Variants in UNC13A observed in about 807,000 individuals in gnomAD.
The protein encoded by UNC13A is unc-13 homolog A.
In UNC13A, 61 loss-of-function variants were observed where a neutral mutation model predicts 219.7. The observed-to-expected ratio is 0.28, with a 90% CI of 0.23 to 0.34. The LOEUF (loss-of-function observed/expected upper bound fraction) is 0.34. UNC13A is among the 10% of genes least tolerant of loss of function. The pLI, the probability that UNC13A is intolerant of heterozygous loss-of-function variation, is 1.00. For synonymous variants in UNC13A, 920 were observed against 884.6 expected (o/e 1.04, Z -0.71); for missense variants, 1,476 against 2,270.3 (o/e 0.65, Z 7.11).
chr19:17,610,195 G>A, intron 42 of UNC13A, 96 bp from the exon 43 acceptor site: 1 of 1,538,268 alleles, frequency 6.5e-7, no homozygotes, highest in Non-Finnish European at 8.9e-7. Flanking sequence ...GCTGGGCGCA[G>A]TGGCTCACGC....
rs760550995 is a variant in UNC13A, at chr19:17,649,624, C to G, written c.1440-37G>C. 1 of 1,611,126 alleles carries G rather than the reference C, an allele frequency of 6.2e-7. No homozygotes were observed. Among genetic ancestry groups the G allele is most frequent in the South Asian group, 1.1e-5 (1 of 91,010 alleles). On this transcript the variant is annotated intron_variant, in intron 12 of 43. Transcript: ENST00000519716. The surrounding 1 kb of genome is among the most constrained non-coding windows in gnomAD (Gnocchi z 4.4). ...AGAGGGACACTGAGGGCCCAGATGTCCCTATTCCTCACATAGAGCCCTGGG... is the reference window on the plus strand; with the variant it reads ...AGAGGGACACTGAGGGCCCAGATGTGCCTATTCCTCACATAGAGCCCTGGG...
At chr19:17,680,884 C>CTTTTTT (rs2079997096) in intron 1 of UNC13A, among the ~76,000 whole-genome samples, 13 of 69,518 alleles carry the variant, frequency 1.9e-4, no homozygotes, top group Admixed American at 4.3e-4. Flanking sequence ...TTTTTCTTTT[C>CTTTTTT]TTTTCTTTTT....
chr19:17,672,045 G>A (rs2145907211), intron 4 of UNC13A, among the ~76,000 whole-genome samples: 1 of 152,260 alleles, frequency 6.6e-6, no homozygotes, highest in East Asian at 1.9e-4. Flanking sequence ...GCAGCAAGGT[G>A]TTGGCCACAT....
chr19:17,678,062 G>T (rs1409588825), intron 1 of UNC13A, among the ~76,000 whole-genome samples: 1 of 152,210 alleles, frequency 6.6e-6, no homozygotes, highest in Non-Finnish European at 1.5e-5. Flanking sequence ...CCCATCCCGG[G>T]TTTGTATCTC....
At position 17,674,459 on chromosome 19, in the gene UNC13A, GC is replaced by G. The variant is rs1392124220; in HGVS notation, c.152+197del. On this transcript the variant is annotated intron_variant, in intron 3 of 43. Transcript: ENST00000519716. The surrounding 1 kb of genome is among the most constrained non-coding windows in gnomAD (Gnocchi z 5.0). Reference sequence around the variant, plus strand: ...GAGGCTGGCGGGCAGCAGGGACTTGGCTGGTGGCTGCGGAGACCAAGGGAAG... The same window carrying G: ...GAGGCTGGCGGGCAGCAGGGACTTGGTGGTGGCTGCGGAGACCAAGGGAAG... Among the ~76,000 whole-genome samples the G allele has an allele frequency of 4.6e-5, 7 of 152,160 alleles. No individual in the cohort carries two copies. Among genetic ancestry groups the G allele is most frequent in the Non-Finnish European group, 7.3e-5 (5 of 68,030 alleles).
chr19:17,616,734 C>A (rs1330213195), intron 41 of UNC13A, among the ~76,000 whole-genome samples: 1 of 152,134 alleles, frequency 6.6e-6, no homozygotes, highest in African/African-American at 2.4e-5. Context: ...AGAGACCCAG[C>A]GCCCACGGAG....
Position 17,657,946 on chromosome 19 carries a change from G to A in UNC13A, c.767+116C>T, listed in dbSNP as rs2079486997. On this transcript the variant is annotated intron_variant, in intron 9 of 43. Transcript: ENST00000519716. The stretch of plus-strand genomic sequence containing the variant: ...AAATGTGAATTCTGCCCTCCTGGAT[G>A]GGTGAATTCTGCCCTTCTGGAACTC... 2.9e-6 allele frequency: 3 copies of A among 1,025,850 alleles called. No homozygotes were observed. In the East Asian group the frequency reaches 7.9e-5, roughly 27 times the overall value. 63.5% of individuals were successfully genotyped at this position (1,025,850 alleles called of 1,614,324 possible).
intron 36 of UNC13A, 74 bp downstream of exon 36, chr19:17,623,468 T>G: frequency 1.6e-6 from 2 of 1,239,348 alleles, no homozygotes; most frequent in East Asian, 2.8e-5. Context: ...GGGAGAGGGG[T>G]GCAGCGACGC....
intron 1 of UNC13A, among the ~76,000 whole-genome samples, chr19:17,686,929 G>C (rs941043765): frequency 1.4e-4 from 22 of 152,034 alleles, no homozygotes; most frequent in Admixed American, 1.2e-3. Context: ...CCTGTCGCCC[G>C]AGGTCTCCCG....
Position 17,618,409 on chromosome 19 carries a change from A to G in UNC13A, c.4410+12T>C, listed in dbSNP as rs2076691676. 6.4e-7 allele frequency: 1 copy of G among 1,569,154 alleles called. No individual in the cohort carries two copies. The highest frequency in any genetic ancestry group is 1.4e-5 in the African/African-American group (1 of 73,756). ...TCCCCCACCTGGGATGGGGAGGGGT[A>G]GGGCCTCTCACCTTGATGGTGTCCA... On this transcript the variant is annotated intron_variant, in intron 40 of 43. Transcript: ENST00000519716.
In UNC13A at chr19:17,604,983, C is replaced by G. The variant is rs929737377; in HGVS notation, c.*1071G>C. On this transcript the variant is annotated 3_prime_UTR_variant, in exon 44 of 44. Transcript: ENST00000519716. ...AAGAAGGGATGGAGAAACCTGGGAC[C>G]AGGGGATCCCAAATTCTCTTTTGTG... The G allele has an allele frequency of 3.9e-5, 6 of 152,652 alleles. No homozygotes were observed. The highest frequency in any genetic ancestry group is 1.4e-4 in the African/African-American group (6 of 41,452). 9.5% of individuals were successfully genotyped at this position (152,652 alleles called of 1,614,324 possible).
chr19:17,658,357 C>T (rs7258943), intron 8 of UNC13A, 88 bp from the exon 9 acceptor site: 1,156,780 of 1,290,342 alleles, frequency 0.9, 524,463 homozygotes, highest in African/African-American at 0.98. Flanking sequence ...CTTACGGTGC[C>T]GCTACCGAAG....
chr19:17,672,393 G>A lies in UNC13A; in HGVS notation c.255C>T (p.Ile85=), dbSNP rs373066025. 3 of 1,613,428 alleles carry A rather than the reference G, an allele frequency of 1.9e-6. No individual in the cohort carries two copies. Among genetic ancestry groups the A allele is most frequent in the African/African-American group, 1.3e-5 (1 of 74,842 alleles). Reference sequence around the variant, plus strand: ...CGCCACTCACCTCATTGGACTGGCGGATGGTCCTCAGTGGGATCCACACAG... The same window carrying A: ...CGCCACTCACCTCATTGGACTGGCGAATGGTCCTCAGTGGGATCCACACAG... ...VGTVWIPLRT[I]RQSNEEGPGE... Residue 85 remains isoleucine, a synonymous_variant, in exon 4 of 44, where the codon ATC becomes ATT. Transcript: ENST00000519716.
intron 26 of UNC13A, among the ~76,000 whole-genome samples, 175 bp downstream of exon 26, chr19:17,635,849 T>A (rs1373631504): frequency 6.6e-6 from 1 of 152,258 alleles, no homozygotes; most frequent in Non-Finnish European, 1.5e-5. Flanking sequence ...ATTTTATGTT[T>A]ATGTTTGCAA....
chr19:17,608,721 T>C (rs995454815), intron 43 of UNC13A, among the ~76,000 whole-genome samples: 1 of 151,528 alleles, frequency 6.6e-6, no homozygotes, highest in African/African-American at 2.4e-5. Flanking sequence ...TTTCACCGTG[T>C]TAGCCAGGAT....
Position 17,645,766 on chromosome 19 carries a change from T to C in UNC13A, c.2264A>G (p.Gln755Arg). 1 of 1,614,160 alleles carries C rather than the reference T, an allele frequency of 6.2e-7. No individual in the cohort carries two copies. Among genetic ancestry groups the C allele is most frequent in the African/African-American group, 1.3e-5 (1 of 75,070 alleles). The change falls in exon 19 of 44, where the codon CAG becomes CGG. Residue 755 changes from glutamine to arginine, a missense_variant. Gln to Arg is a conservative substitution (Grantham distance 43). Coordinates refer to ENST00000519716, the MANE Select transcript of UNC13A (RefSeq NM_001080421.3). ...EDDDIKSRVK[Q>R]RFKRESDDFL... Reference sequence around the variant, plus strand: ...ATCGTCAGATTCCCTCTTGAACCTCTGTTTCACGCGGGATTTGATGTCGTC... The same window carrying C: ...ATCGTCAGATTCCCTCTTGAACCTCCGTTTCACGCGGGATTTGATGTCGTC...
Position 17,605,940 on chromosome 19 carries a change from G to T in UNC13A, c.*114C>A. On this transcript the variant is annotated 3_prime_UTR_variant, in exon 44 of 44. Coordinates refer to ENST00000519716, the MANE Select transcript of UNC13A (RefSeq NM_001080421.3). ...AGGGCGTAGGCGCAGCCCACCCTTG[G>T]CGTGGAGCCCCCCGAGCCCCGCCCC... is the stretch of plus-strand genomic sequence containing the variant. 9.9e-7 allele frequency: 1 copy of T among 1,009,298 alleles called. No homozygotes were observed. The highest frequency in any genetic ancestry group is 3.3e-5 in the East Asian group (1 of 30,136). 62.5% of individuals were successfully genotyped at this position (1,009,298 alleles called of 1,614,324 possible).
Position 17,674,334 on chromosome 19 carries a change from A to G in UNC13A, c.152+323T>C, listed in dbSNP as rs1474396622. ...GATGAGCCACGGACAAGTTTGGAAC[A>G]TGGGAGCGACAGGATGTGATTTGCA... is the stretch of plus-strand genomic sequence containing the variant. On this transcript the variant is annotated intron_variant, in intron 3 of 43. Coordinates refer to ENST00000519716, the MANE Select transcript of UNC13A (RefSeq NM_001080421.3). This position sits in a 1 kb window ranked among gnomAD's most constrained non-coding sequence, Gnocchi z 5.0. 6.6e-6 allele frequency among the ~76,000 whole-genome samples: 1 copy of G among 152,230 alleles called. No individual in the cohort carries two copies. Among genetic ancestry groups the G allele is most frequent in the Non-Finnish European group, 1.5e-5 (1 of 68,040 alleles).
At chr19:17,611,992 C>T in intron 41 of UNC13A, 137 bp from the exon 42 acceptor site, 4 of 651,052 alleles carry the variant, frequency 6.1e-6, no homozygotes, top group Non-Finnish European at 7.9e-6. Flanking sequence ...TGATGGGGGG[C>T]CAGGATGGGA....
Sources: gnomAD v4.1 joint callset for allele counts (sites outside exome capture counted in the v4.1 genomes callset) on GRCh38, gnomAD v4.1.1 for gene constraint, Gnocchi (gnomAD v3.1) non-coding constraint, MANE v1.5 for transcripts, NCBI Gene and HGNC (gene_info 2026-07-23, HGNC 2026-07-21) for gene names.